PTPN1: variants seen among roughly 807,000 people sequenced by gnomAD.
PTPN1 encodes the protein tyrosine-protein phosphatase non-receptor type 1.
A neutral mutation model predicts 59.9 loss-of-function variants in PTPN1; 12 were observed. The ratio of observed to expected loss-of-function variants is 0.20; its 90% CI spans 0.13 to 0.32. PTPN1 has a LOEUF of 0.32. PTPN1 is among the 10% of genes least tolerant of loss of function. The pLI, the probability that PTPN1 is intolerant of heterozygous loss-of-function variation, is 1.00. For synonymous variants in PTPN1, 178 were observed against 203.6 expected (o/e 0.87, Z 1.07); for missense variants, 356 against 549.2 (o/e 0.65, Z 3.52).
chr20:50,524,949 A>C (rs2082567992), intron 1 of PTPN1, among the ~76,000 whole-genome samples: 1 of 152,172 alleles, frequency 6.6e-6, no homozygotes, highest in Non-Finnish European at 1.5e-5. Context: ...CCTTATTAAA[A>C]AACTCAAGTG....
chr20:50,522,154 C>T (rs1290925561), intron 1 of PTPN1, among the ~76,000 whole-genome samples: 1 of 152,178 alleles, frequency 6.6e-6, no homozygotes, highest in East Asian at 1.9e-4. Context: ...TCCCTTCCCG[C>T]CCTTCCTCTT....
At chr20:50,549,604 C>G (rs73272515) in intron 1 of PTPN1, among the ~76,000 whole-genome samples, 3,738 of 152,190 alleles carry the variant, frequency 0.025, 85 homozygotes, top group African/African-American at 0.059. Flanking sequence ...CCCCTCAACC[C>G]CTGTCTTTCA....
chr20:50,536,781 A>G (rs566810137), intron 1 of PTPN1, among the ~76,000 whole-genome samples: 1 of 152,060 alleles, frequency 6.6e-6, no homozygotes, highest in African/African-American at 2.4e-5. Context: ...ATTCCTTGAG[A>G]TTTTATAAAA....
At chr20:50,570,845 T>C (rs1192902187) in intron 4 of PTPN1, 2 of 152,258 alleles carry the variant, frequency 1.3e-5, no homozygotes, top group Non-Finnish European at 2.9e-5. Flanking sequence ...TGTTTCTGTC[T>C]AGACTCCAGA....
intron 4 of PTPN1, chr20:50,571,586 C>A (rs891047805): frequency 6.6e-6 from 1 of 152,216 alleles, no homozygotes; most frequent in African/African-American, 2.4e-5. Context: ...TTCTGATTTC[C>A]TTCCTTCACC....
At chr20:50,545,271 G>C (rs564158566) in intron 1 of PTPN1, among the ~76,000 whole-genome samples, 3 of 152,104 alleles carry the variant, frequency 2.0e-5, no homozygotes, top group Non-Finnish European at 4.4e-5. Flanking sequence ...ACTTTTTCTT[G>C]AGTAGGAATT....
chr20:50,584,058 T>TG lies in PTPN1; in HGVS notation c.*1347dup, dbSNP rs1365849909. On this transcript the variant is annotated 3_prime_UTR_variant, in exon 10 of 10. Transcript: ENST00000371621. ...GCGTCTGCCCCACCCTCAAACCCTG[T>TG]GGGGCCTGATGGTGCTCACGACTCT... is the stretch of plus-strand genomic sequence containing the variant. 4 of 152,634 alleles carry TG rather than the reference T, an allele frequency of 2.6e-5. No individual in the cohort carries two copies. The highest frequency in any genetic ancestry group is 4.4e-5 in the Non-Finnish European group (3 of 68,036). 9.5% of individuals were successfully genotyped at this position (152,634 alleles called of 1,614,324 possible). A position where few individuals can be genotyped will look rare whatever the true frequency, so the allele number is the denominator to read the frequency against.
chr20:50,533,295 G>A (rs557099597), intron 1 of PTPN1, among the ~76,000 whole-genome samples: 1 of 152,178 alleles, frequency 6.6e-6, no homozygotes, highest in Non-Finnish European at 1.5e-5. Context: ...AGCCTCTAGA[G>A]TTTACATTGC....
intron 5 of PTPN1, among the ~76,000 whole-genome samples, chr20:50,576,826 G>A (rs2082839302): frequency 6.6e-6 from 1 of 152,180 alleles, no homozygotes; most frequent in Non-Finnish European, 1.5e-5. Flanking sequence ...ATTGAGCCGA[G>A]ATCATGCCAC....
intron 5 of PTPN1, 144 bp downstream of exon 5, chr20:50,574,798 C>T (rs1054611126): frequency 3.6e-5 from 39 of 1,072,330 alleles, no homozygotes; most frequent in South Asian, 9.7e-5. Flanking sequence ...CTGTGGTGAG[C>T]GGAGCTTACT....
intron 1 of PTPN1, among the ~76,000 whole-genome samples, chr20:50,534,271 C>T (rs2082614310): frequency 6.6e-6 from 1 of 152,178 alleles, no homozygotes; most frequent in South Asian, 2.1e-4. Flanking sequence ...AAATTTAATC[C>T]AAATGAGACT....
At chr20:50,546,467 C>G (rs2122758187) in intron 1 of PTPN1, among the ~76,000 whole-genome samples, 1 of 152,294 alleles carries the variant, frequency 6.6e-6, no homozygotes, top group South Asian at 2.1e-4. Flanking sequence ...GTATTTTATT[C>G]TTTGTTCCTT....
At chr20:50,535,612 G>A (rs1014375996) in intron 1 of PTPN1, among the ~76,000 whole-genome samples, 4 of 152,216 alleles carry the variant, frequency 2.6e-5, no homozygotes, top group East Asian at 1.9e-4. Context: ...AGAAAGAACA[G>A]TGTTTAGCTT....
chr20:50,558,623 A>G (rs1401369876), intron 1 of PTPN1, among the ~76,000 whole-genome samples: 2 of 152,182 alleles, frequency 1.3e-5, no homozygotes, highest in African/African-American at 4.8e-5. Context: ...CTTGCCACTC[A>G]CAGCTGTCAT....
At chr20:50,512,390 ATT>A in intron 1 of PTPN1, among the ~76,000 whole-genome samples, 1 of 152,332 alleles carries the variant, frequency 6.6e-6, no homozygotes. Flanking sequence ...TCTTAGTTGA[ATT>A]TTATTTCTTA....
intron 1 of PTPN1, among the ~76,000 whole-genome samples, chr20:50,543,046 A>G (rs888707835): frequency 2.1e-4 from 32 of 152,374 alleles, no homozygotes; most frequent in African/African-American, 7.2e-4. Context: ...TATATTTGAT[A>G]AAATACAACT....
intron 1 of PTPN1, among the ~76,000 whole-genome samples, chr20:50,542,127 A>G (rs1334302338): frequency 6.6e-6 from 1 of 152,222 alleles, no homozygotes; most frequent in African/African-American, 2.4e-5. Flanking sequence ...GGCTGCAAGT[A>G]CAATGTGGTC....
At chr20:50,516,919 A>G (rs1020833115) in intron 1 of PTPN1, among the ~76,000 whole-genome samples, 1 of 152,230 alleles carries the variant, frequency 6.6e-6, no homozygotes, top group Non-Finnish European at 1.5e-5. Context: ...CACATCTGCC[A>G]TATTTGAGAA....
chr20:50,537,447 A>G (rs564568160), intron 1 of PTPN1, among the ~76,000 whole-genome samples: 1 of 152,356 alleles, frequency 6.6e-6, no homozygotes, highest in East Asian at 1.9e-4. Flanking sequence ...CAGTATCACA[A>G]CCACAATACT....
Sources: allele counts gnomAD v4.1 joint callset (sites outside exome capture counted in the v4.1 genomes callset), GRCh38; gene constraint gnomAD v4.1.1; transcripts MANE v1.5; gene names NCBI Gene and HGNC (gene_info 2026-07-23, HGNC 2026-07-21).